CDH13: variants seen among roughly 807,000 people sequenced by gnomAD.
CDH13 encodes the protein cadherin 13.
Under a neutral mutation model 63.8 loss-of-function variants are expected in CDH13, and 24 were observed. The observed-to-expected ratio is 0.38, with a 90% CI of 0.27 to 0.53. CDH13 has a LOEUF of 0.53. Among genes scored for constraint, CDH13 ranks in the 20% least tolerant of loss-of-function variants. The probability of loss-of-function intolerance (pLI) is 0.85; values close to 1 mark genes in which losing one functional copy is unlikely to be tolerated. For missense variants in CDH13, 1,049 were observed against 903.1 expected (o/e 1.16, Z -2.07); for synonymous variants, 503 against 355.3 (o/e 1.42, Z -4.67).
chr16:83,280,622 C>T (rs956390160), intron 5 of CDH13, among the ~76,000 whole-genome samples: 9 of 152,156 alleles, frequency 5.9e-5, no homozygotes, highest in Non-Finnish European at 8.8e-5. Flanking sequence ...AATTCTTTCC[C>T]GAAGGTTTTC....
intron 6 of CDH13, among the ~76,000 whole-genome samples, chr16:83,428,709 G>A (rs907853391): frequency 2.6e-5 from 4 of 152,164 alleles, no homozygotes; most frequent in African/African-American, 7.2e-5. Context: ...ATTCTGTATC[G>A]GTTTGCGATT....
intron 6 of CDH13, among the ~76,000 whole-genome samples, chr16:83,462,335 C>T (rs904326189): frequency 3.9e-5 from 6 of 152,234 alleles, no homozygotes; most frequent in African/African-American, 1.4e-4. Context: ...GATTGAATCT[C>T]CTTCTGCCTC....
Position 83,140,888 on chromosome 16 carries a change from C to A in CDH13, c.483+15387C>A, listed in dbSNP as rs184718176. On this transcript the variant is annotated intron_variant, in intron 4 of 13. Coordinates refer to ENST00000567109, the MANE Select transcript of CDH13 (RefSeq NM_001257.5). ...GGTTTAAGGCACCAAGAATGCCCAG[C>A]AATGTATTTTTTTCCCAGATAAAGG... is the stretch of plus-strand genomic sequence containing the variant. 6.6e-5 allele frequency among the ~76,000 whole-genome samples: 10 copies of A among 152,292 alleles called. No homozygotes were observed. The East Asian group carries it at 1.7e-3, about 26-fold the overall frequency.
intron 12 of CDH13, among the ~76,000 whole-genome samples, chr16:83,782,991 G>A (rs1285092135): frequency 6.6e-6 from 1 of 152,140 alleles, no homozygotes; most frequent in African/African-American, 2.4e-5. Context: ...CAGAACTCTG[G>A]TGATGGAAAC....
chr16:83,443,579 A>G (rs757943310), intron 6 of CDH13, among the ~76,000 whole-genome samples: 1 of 151,864 alleles, frequency 6.6e-6, no homozygotes, highest in East Asian at 1.9e-4. Flanking sequence ...TTCCTAAAGG[A>G]ATCAGTGTCA....
intron 8 of CDH13, among the ~76,000 whole-genome samples, chr16:83,625,493 C>T (rs940872463): frequency 5.9e-5 from 9 of 152,212 alleles, no homozygotes; most frequent in African/African-American, 2.2e-4. Context: ...GTGCTGAGAG[C>T]CGAGCCTGTT....
intron 6 of CDH13, among the ~76,000 whole-genome samples, chr16:83,359,619 T>G (rs989535580): frequency 4.6e-5 from 7 of 152,222 alleles, no homozygotes; most frequent in African/African-American, 1.4e-4. Flanking sequence ...TGTACGAGTT[T>G]GAATTGGGCA....
At chr16:83,014,149 A>G (rs1053650770) in intron 2 of CDH13, among the ~76,000 whole-genome samples, 6 of 152,082 alleles carry the variant, frequency 3.9e-5, no homozygotes, top group African/African-American at 1.4e-4. Context: ...CACACACAAA[A>G]AAAGGAAATA....
chr16:83,273,460 T>G (rs556955172), intron 5 of CDH13, among the ~76,000 whole-genome samples: 1 of 152,194 alleles, frequency 6.6e-6, no homozygotes, highest in African/African-American at 2.4e-5. Flanking sequence ...GCATTTGCTT[T>G]TTTCTTCCTG....
At chr16:83,757,541 G>A (rs1007481509) in intron 11 of CDH13, among the ~76,000 whole-genome samples, 3 of 152,102 alleles carry the variant, frequency 2.0e-5, no homozygotes, top group Non-Finnish European at 2.9e-5. Context: ...TCGCACCACT[G>A]CATCCCAGCC....
intron 10 of CDH13, among the ~76,000 whole-genome samples, chr16:83,708,314 G>C (rs781605934): frequency 6.6e-6 from 1 of 152,254 alleles, no homozygotes; most frequent in Non-Finnish European, 1.5e-5. Context: ...CTTCAAATGT[G>C]TTTTTCATTT....
At chr16:83,227,729 A>G (rs1300849496) in intron 5 of CDH13, among the ~76,000 whole-genome samples, 1 of 152,116 alleles carries the variant, frequency 6.6e-6, no homozygotes, top group African/African-American at 2.4e-5. Context: ...GAAGTGGAGG[A>G]AAACAGGGGA....
At chr16:83,010,935 A>T (rs1597402540) in intron 2 of CDH13, among the ~76,000 whole-genome samples, 1 of 152,206 alleles carries the variant, frequency 6.6e-6, no homozygotes, top group African/African-American at 2.4e-5. Context: ...CTCAAACCAG[A>T]TGGCTCCTTC....
At chr16:83,162,242 T>G (rs1012306910) in intron 4 of CDH13, among the ~76,000 whole-genome samples, 11 of 152,162 alleles carry the variant, frequency 7.2e-5, no homozygotes, top group African/African-American at 2.4e-4. Context: ...CTAGAAAATT[T>G]TCATCACCAT....
At chr16:82,932,305 T>A (rs2042522824) in intron 2 of CDH13, among the ~76,000 whole-genome samples, 1 of 152,232 alleles carries the variant, frequency 6.6e-6, no homozygotes, top group South Asian at 2.1e-4. Flanking sequence ...TATTATTGTA[T>A]TTGTTTGTTT....
intron 13 of CDH13, among the ~76,000 whole-genome samples, chr16:83,793,623 A>T (rs377494734): frequency 6.6e-6 from 1 of 152,134 alleles, no homozygotes; most frequent in African/African-American, 2.4e-5. Flanking sequence ...TGTACTCTTC[A>T]TCCTAATCCC....
rs186844718 is a variant in CDH13, at chr16:83,068,556, C to T, written c.366+36338C>T. On this transcript the variant is annotated intron_variant, in intron 3 of 13. Transcript: ENST00000567109. ...TTGTTGTAACCAGCCTCTTTAAACA[C>T]TATGGCCTGACCCTCTGAACCAGCC... 1.4e-3 allele frequency among the ~76,000 whole-genome samples: 211 copies of T among 152,338 alleles called. 1 individual carries two copies. Among genetic ancestry groups the T allele is most frequent in the South Asian group, 6.4e-3 (31 of 4,824 alleles).
chr16:83,711,657 G>A (rs902340895), intron 10 of CDH13, among the ~76,000 whole-genome samples: 12 of 152,138 alleles, frequency 7.9e-5, no homozygotes, highest in African/African-American at 1.7e-4. Flanking sequence ...CTGGGATTAC[G>A]TGTGCATACC....
intron 5 of CDH13, among the ~76,000 whole-genome samples, chr16:83,227,993 A>T (rs2039892585): frequency 6.6e-6 from 1 of 152,162 alleles, no homozygotes; most frequent in Non-Finnish European, 1.5e-5. Context: ...AAGTGCTGGG[A>T]ATAGACACGG....
Sources: allele counts gnomAD v4.1 joint callset (sites outside exome capture counted in the v4.1 genomes callset), GRCh38; gene constraint gnomAD v4.1.1; transcripts MANE v1.5; gene names NCBI Gene and HGNC (gene_info 2026-07-23, HGNC 2026-07-21).